RPH3A: variants seen among roughly 807,000 people sequenced by gnomAD.
RPH3A encodes the protein rabphilin 3A.
RPH3A carries 48 observed loss-of-function variants against 102.2 expected under a neutral mutation model. That is an observed-to-expected ratio of 0.47 (90% CI 0.37 to 0.60). RPH3A has a LOEUF of 0.60. Among genes scored for constraint, RPH3A ranks in the 20% least tolerant of loss-of-function variants. The pLI is 0.00. For synonymous variants in RPH3A, 310 were observed against 324.3 expected (o/e 0.96, Z 0.47); for missense variants, 781 against 910.1 (o/e 0.86, Z 1.83).
At chr12:112,784,726 G>T (rs1417104716) in intron 1 of RPH3A, among the ~76,000 whole-genome samples, 2 of 152,222 alleles carry the variant, frequency 1.3e-5, no homozygotes, top group Non-Finnish European at 2.9e-5. Context: ...CAGGGAGAAG[G>T]TGAGGTTCTG....
intron 2 of RPH3A, among the ~76,000 whole-genome samples, chr12:112,795,012 C>T (rs1211735774): frequency 6.6e-6 from 1 of 152,208 alleles, no homozygotes; most frequent in African/African-American, 2.4e-5. Context: ...CAGGGGTAGC[C>T]TGGAAAGTCA....
intron 1 of RPH3A, among the ~76,000 whole-genome samples, chr12:112,586,896 T>C (rs2039443094): frequency 6.6e-6 from 1 of 152,204 alleles, no homozygotes; most frequent in Admixed American, 6.5e-5. Flanking sequence ...CTCAGGAGTT[T>C]AGCATCAAAT....
chr12:112,747,182 T>C (rs2040754257), intron 1 of RPH3A, among the ~76,000 whole-genome samples: 1 of 152,134 alleles, frequency 6.6e-6, no homozygotes, highest in African/African-American at 2.4e-5. Flanking sequence ...ATTCCTATGT[T>C]GAAATTCTAA....
In RPH3A at chr12:112,739,072, G is replaced by T. The variant is rs545882756; in HGVS notation, c.-139-53071G>T. ...ACTGTTAATGAACTTGGATAGGTTT[G>T]CTTGAAAGCCAAGAGGTCTCTGAGA... On this transcript the variant is annotated intron_variant, in intron 1 of 21. Coordinates refer to the RPH3A transcript ENST00000543106. Among the ~76,000 whole-genome samples the T allele has an allele frequency of 1.6e-4, 24 of 152,280 alleles. No individual in the cohort carries two copies. The South Asian group carries it at 4.6e-3, about 29-fold the overall frequency.
chr12:112,651,430 G>T, intron 1 of RPH3A, among the ~76,000 whole-genome samples: 1 of 151,880 alleles, frequency 6.6e-6, no homozygotes, highest in African/African-American at 2.4e-5. Context: ...ACCAACTCCC[G>T]CCCCCAGCTA....
chr12:112,795,188 G>A (rs2041206279), intron 2 of RPH3A, among the ~76,000 whole-genome samples: 1 of 152,178 alleles, frequency 6.6e-6, no homozygotes, highest in Non-Finnish European at 1.5e-5. Context: ...GTCCTACAGA[G>A]TTTATGGCTT....
intron 1 of RPH3A, among the ~76,000 whole-genome samples, chr12:112,702,725 G>A (rs989157166): frequency 3.9e-5 from 6 of 152,184 alleles, no homozygotes; most frequent in African/African-American, 1.4e-4. Context: ...TCTGCAAGGA[G>A]CCCCCCAAAA....
At chr12:112,874,747 A>G (rs2136234294) in intron 10 of RPH3A, 1 of 256,298 alleles carries the variant, frequency 3.9e-6, no homozygotes. Flanking sequence ...TATCTTCCCC[A>G]CAACTCTATC....
chr12:112,737,792 G>A (rs2040679994), intron 1 of RPH3A, among the ~76,000 whole-genome samples: 1 of 152,124 alleles, frequency 6.6e-6, no homozygotes, highest in South Asian at 2.1e-4. Flanking sequence ...AAAAAGACTG[G>A]GCCTAAATCC....
intron 1 of RPH3A, among the ~76,000 whole-genome samples, chr12:112,627,384 T>C (rs2039774583): frequency 6.7e-6 from 1 of 148,856 alleles, no homozygotes; most frequent in Non-Finnish European, 1.5e-5. Context: ...AATTATTATA[T>C]ATAAATATTT....
At chr12:112,805,550 A>C (rs2041442476) in intron 2 of RPH3A, among the ~76,000 whole-genome samples, 1 of 152,198 alleles carries the variant, frequency 6.6e-6, no homozygotes, top group Admixed American at 6.5e-5. Context: ...GCATTGTCAG[A>C]AAGGGCCAGT....
Position 112,868,572 on chromosome 12 carries a change from A to G in RPH3A, c.587A>G (p.His196Arg), listed in dbSNP as rs1231369436. The G allele has an allele frequency of 1.9e-6, 3 of 1,614,032 alleles. No individual in the cohort carries two copies. Among genetic ancestry groups the G allele is most frequent in the Non-Finnish European group, 1.7e-6 (2 of 1,179,996 alleles). ...GAACAGCCTGCTCCTGAGCCCAAGC[A>G]CCCTGCCCGGGCTCCAGCTCGAGGT... ...APEQPAPEPK[H>R]PARAPARGDS... is the part of the protein sequence containing the mutation. Residue 196 changes from histidine to arginine, a missense_variant, in exon 8 of 22, where the codon CAC becomes CGC. Transcript: ENST00000389385.
At chr12:112,762,146 T>C (rs2040858433) in intron 1 of RPH3A, among the ~76,000 whole-genome samples, 1 of 152,250 alleles carries the variant, frequency 6.6e-6, no homozygotes, top group Admixed American at 6.5e-5. Context: ...TTATCTGTTA[T>C]AGTTTTCCCA....
chr12:112,643,915 T>C (rs1378584183), intron 1 of RPH3A, among the ~76,000 whole-genome samples: 2 of 152,184 alleles, frequency 1.3e-5, no homozygotes, highest in East Asian at 1.9e-4. Flanking sequence ...CATCAACAGA[T>C]GAATGGATAA....
At chr12:112,828,202 T>C in intron 2 of RPH3A, 99 bp from the exon 3 acceptor site, 1 of 796,766 alleles carries the variant, frequency 1.3e-6, no homozygotes, top group Non-Finnish European at 2.1e-6. Flanking sequence ...GTTCTCTGTC[T>C]TCTCTATCCC....
intron 1 of RPH3A, among the ~76,000 whole-genome samples, chr12:112,681,288 G>T (rs1428127704): frequency 6.6e-6 from 1 of 152,138 alleles, no homozygotes; most frequent in Non-Finnish European, 1.5e-5. Flanking sequence ...GCCCTTTGTG[G>T]CCTTCCCCCT....
rs1232554077 is a variant in RPH3A, at chr12:112,869,945, C to A, written c.702C>A (p.Arg234=). 3.1e-6 allele frequency: 5 copies of A among 1,614,138 alleles called. No homozygotes were observed. The Admixed American group carries it at 8.3e-5, about 27-fold the overall frequency. Residue 234 remains arginine, a synonymous_variant, in exon 10 of 22, where the codon CGC becomes CGA. Transcript: ENST00000389385. ...PGRGNYGPPV[R]RASEARMSSS... Reference sequence around the variant, plus strand: ...GAGGAAACTATGGGCCTCCCGTGCGCAGGGCCTCCGAGGCACGAATGAGCT... The same window carrying A: ...GAGGAAACTATGGGCCTCCCGTGCGAAGGGCCTCCGAGGCACGAATGAGCT...
At chr12:112,698,456 T>C (rs1044566711) in intron 1 of RPH3A, among the ~76,000 whole-genome samples, 7 of 152,178 alleles carry the variant, frequency 4.6e-5, no homozygotes, top group African/African-American at 1.4e-4. Flanking sequence ...AAGAAAATGA[T>C]GACAAGCCAC....
chr12:112,732,122 A>C (rs2040638999), intron 1 of RPH3A, among the ~76,000 whole-genome samples: 1 of 152,166 alleles, frequency 6.6e-6, no homozygotes, highest in Admixed American at 6.5e-5. Flanking sequence ...GGAGGCATGA[A>C]CTTCAGTGTT....
Sources: gnomAD v4.1 joint callset for allele counts (sites outside exome capture counted in the v4.1 genomes callset) on GRCh38, gnomAD v4.1.1 for gene constraint, MANE v1.5 for transcripts, NCBI Gene and HGNC (gene_info 2026-07-23, HGNC 2026-07-21) for gene names.